The following NEK1 variants were observed in gnomAD, a reference collection of about 807,000 sequenced individuals.
NEK1 encodes the protein serine/threonine-protein kinase Nek1.
NEK1 carries 137 observed loss-of-function variants against 182.1 expected under a neutral mutation model. The observed-to-expected ratio is 0.75, with a 90% CI of 0.65 to 0.87. The LOEUF is 0.87. Ranked by LOEUF, NEK1 falls within the 40% of genes least tolerant of loss-of-function variation. The pLI is 0.00. For synonymous variants in NEK1, 513 were observed against 492.2 expected, an observed-to-expected ratio of 1.04 and a Z score of -0.56; for missense variants, 1,391 against 1,494.4, an observed-to-expected ratio of 0.93 and a Z score of 1.14.
At chr4:169,451,176 C>A (rs1054164600) in intron 27 of NEK1, among the ~76,000 whole-genome samples, 3 of 152,120 alleles carry the variant, frequency 2.0e-5, no homozygotes, top group South Asian at 2.1e-4. Context: ...GACTCCCACA[C>A]AATAATAATG....
intron 3 of NEK1, 69 bp downstream of exon 3, chr4:169,602,445 A>G: frequency 1.1e-6 from 1 of 873,198 alleles, no homozygotes; most frequent in Non-Finnish European, 1.8e-6. Flanking sequence ...TTTTTAAAGA[A>G]AATCTCTAAC....
intron 32 of NEK1, among the ~76,000 whole-genome samples, chr4:169,405,545 A>G (rs1469121003): frequency 6.6e-6 from 1 of 152,186 alleles, no homozygotes; most frequent in Non-Finnish European, 1.5e-5. Context: ...CTGTAATCCT[A>G]GCTATTTGGG....
chr4:169,526,893 A>C (rs535307754), intron 19 of NEK1, among the ~76,000 whole-genome samples: 1 of 152,338 alleles, frequency 6.6e-6, no homozygotes, highest in East Asian at 1.9e-4. Flanking sequence ...GTGTTGGAAA[A>C]ATATTTGAAG....
chr4:169,430,361 T>A (rs2149401106), intron 29 of NEK1, among the ~76,000 whole-genome samples: 1 of 152,218 alleles, frequency 6.6e-6, no homozygotes, highest in East Asian at 1.9e-4. Flanking sequence ...TTATTTGTAT[T>A]TTTAGTAGGA....
At chr4:169,594,053 G>A (rs1438284610) in intron 5 of NEK1, among the ~76,000 whole-genome samples, 1 of 151,440 alleles carries the variant, frequency 6.6e-6, no homozygotes. Flanking sequence ...TCACACATTA[G>A]TTCCATATTA....
At chr4:169,577,860 A>G (rs1277906570) in intron 11 of NEK1, among the ~76,000 whole-genome samples, 1 of 152,080 alleles carries the variant, frequency 6.6e-6, no homozygotes, top group African/African-American at 2.4e-5. Flanking sequence ...CATTAATTAC[A>G]TCAATATAAG....
intron 27 of NEK1, among the ~76,000 whole-genome samples, chr4:169,449,241 A>G (rs1741228426): frequency 6.6e-6 from 1 of 152,250 alleles, no homozygotes; most frequent in African/African-American, 2.4e-5. Context: ...TAGCTGAACA[A>G]AAGGCAGCAG....
intron 23 of NEK1, among the ~76,000 whole-genome samples, chr4:169,481,547 T>C (rs966094951): frequency 1.3e-5 from 2 of 152,182 alleles, no homozygotes; most frequent in Non-Finnish European, 2.9e-5. Context: ...CCATCAGAGC[T>C]CTTGGGTAAC....
rs141534614 is a variant in NEK1 at position 169,446,636 on chromosome 4, T to A, written c.2588-8377A>T. 4.7e-3 allele frequency among the ~76,000 whole-genome samples: 723 copies of A among 152,236 alleles called. 6 individuals are homozygous for A. The highest frequency in any genetic ancestry group is 0.013 in the South Asian group (62 of 4,816). ...AGACAGAAAATTCAAAATAGCTGTT[T>A]TAAGGAAACTCAATGAAATTCAAAA... On this transcript the variant is annotated intron_variant, in intron 27 of 35. Coordinates refer to ENST00000507142, the MANE Select transcript of NEK1 (RefSeq NM_001199397.3).
intron 28 of NEK1, among the ~76,000 whole-genome samples, chr4:169,436,454 G>A (rs1738432099): frequency 1.3e-5 from 2 of 152,190 alleles, no homozygotes. Context: ...TGAAAATTTG[G>A]TAACTGCAAT....
At chr4:169,450,469 A>C (rs182574857) in intron 27 of NEK1, among the ~76,000 whole-genome samples, 1 of 152,374 alleles carries the variant, frequency 6.6e-6, no homozygotes, top group African/African-American at 2.4e-5. Flanking sequence ...CATCAGACTA[A>C]CAGCAGATCT....
Position 169,561,834 on chromosome 4 carries a change from G to C in NEK1, c.1138C>G (p.Gln380Glu). 6.2e-7 allele frequency: 1 copy of C among 1,609,770 alleles called. No homozygotes were observed. The highest frequency in any genetic ancestry group is 8.5e-7 in the Non-Finnish European group (1 of 1,178,284). ...GAAAAACAAGAGCAAAAAACTACCT[G>C]ATCCTTTTGTTTCTTTTCTTTTTCA... Reference protein sequence around the residue: ...FIEKEKKQKDQIISLMKAEQM... With the variant: ...FIEKEKKQKDEIISLMKAEQM... The change falls in exon 14 of 36, where the codon CAG becomes GAG. Residue 380 changes from glutamine (Q) to glutamate (E), a missense_variant and splice_region_variant. Around this residue, in one of 5 missense-constraint regions of NEK1, gnomAD observed 1,216 missense variants for 1,277.6 expected, o/e 0.95. Transcript: ENST00000507142.
intron 23 of NEK1, among the ~76,000 whole-genome samples, chr4:169,492,688 C>T (rs1750336295): frequency 6.6e-6 from 1 of 152,150 alleles, no homozygotes; most frequent in Non-Finnish European, 1.5e-5. Context: ...AGATCCTCTG[C>T]CCTTGAGCCA....
intron 16 of NEK1, 23 bp downstream of exon 16, chr4:169,561,457 C>G: frequency 2.5e-6 from 4 of 1,601,924 alleles, no homozygotes; most frequent in Non-Finnish European, 3.4e-6. Context: ...GGTAGTATAA[C>G]CATATTGGTA....
intron 23 of NEK1, among the ~76,000 whole-genome samples, chr4:169,494,644 C>T (rs1306180459): frequency 1.3e-5 from 2 of 152,300 alleles, no homozygotes; most frequent in East Asian, 3.9e-4. Flanking sequence ...AATGGTATTT[C>T]TAGTTCTAGA....
intron 11 of NEK1, among the ~76,000 whole-genome samples, chr4:169,579,625 C>T (rs950751156): frequency 1.3e-5 from 2 of 152,072 alleles, no homozygotes; most frequent in African/African-American, 4.8e-5. Context: ...CCTGTCTCTA[C>T]TAAAATACAA....
At chr4:169,596,836 G>A (rs912392198) in intron 5 of NEK1, among the ~76,000 whole-genome samples, 35 of 152,148 alleles carry the variant, frequency 2.3e-4, no homozygotes, top group African/African-American at 8.4e-4. Context: ...TGTGCTAACA[G>A]AACTTGCTAT....
chr4:169,598,450 TA>T lies in NEK1; in HGVS notation c.312+649del, dbSNP rs951588688. On this transcript the variant is annotated intron_variant, in intron 5 of 35. Transcript: ENST00000507142. Reference sequence around the variant, plus strand: ...AAGAAGCTGGGACTTGAACTGAGCTTAAAAAAAAAAGGTAGAGTATTAATAA... The same window carrying T: ...AAGAAGCTGGGACTTGAACTGAGCTTAAAAAAAAAGGTAGAGTATTAATAA... Among the ~76,000 whole-genome samples, 153 of 146,960 alleles carry T rather than the reference TA, an allele frequency of 1.0e-3. 1 individual carries two copies. Among genetic ancestry groups the T allele is most frequent in the African/African-American group, 2.8e-3 (111 of 40,134 alleles).
At chr4:169,589,113 T>G (rs1382244678) in intron 7 of NEK1, among the ~76,000 whole-genome samples, 1 of 152,218 alleles carries the variant, frequency 6.6e-6, no homozygotes, top group African/African-American at 2.4e-5. Context: ...GTATCTTTTC[T>G]ATGTTTAAAC....
Sources: allele counts gnomAD v4.1 joint callset (sites outside exome capture counted in the v4.1 genomes callset), GRCh38; gene constraint gnomAD v4.1.1; regional missense constraint gnomAD v4.1.1; transcripts MANE v1.5; gene names NCBI Gene and HGNC (gene_info 2026-07-23, HGNC 2026-07-21).